The following MARCHF2 variants were observed in gnomAD, a reference collection of about 807,000 sequenced individuals.
MARCHF2 encodes the protein E3 ubiquitin-protein ligase MARCHF2.
Under a neutral mutation model 24.0 loss-of-function variants are expected in MARCHF2, and 22 were observed. The ratio of observed to expected loss-of-function variants is 0.92; its 90% CI spans 0.66 to 1.31. The LOEUF (loss-of-function observed/expected upper bound fraction) is 1.31. Among genes scored for constraint, MARCHF2 ranks in the 50% most tolerant of loss-of-function variants. The pLI is 0.00. For synonymous variants in MARCHF2, 154 were observed against 153.0 expected, an observed-to-expected ratio of 1.01 and a Z score of -0.05; for missense variants, 301 against 335.3, an observed-to-expected ratio of 0.90 and a Z score of 0.80.
At position 8,426,766 on chromosome 19, in the gene MARCHF2, G is replaced by T. The variant is rs1444012955; in HGVS notation, c.334G>T (p.Glu112Ter). The change falls in exon 3 of 5, where the codon GAG becomes TAG. Residue 112 changes from glutamate to a stop codon, truncating the protein, a stop_gained. Coordinates refer to ENST00000215555, the MANE Select transcript of MARCHF2 (RefSeq NM_001005415.2). LOFTEE classifies it high-confidence loss of function. The stretch of plus-strand genomic sequence containing the variant: ...CAGCTACTGCGAGCTGTGCCACACG[G>T]AGTTTGCAGTGGAGAAACGGCCTCG... Reference protein sequence around the residue: ...NTSYCELCHTEFAVEKRPRPL... With the variant: ...NTSYCELCHT 6.2e-7 allele frequency: 1 copy of T among 1,612,508 alleles called. No individual in the cohort carries two copies. Among genetic ancestry groups the T allele is most frequent in the East Asian group, 2.2e-5 (1 of 44,874 alleles).
At chr19:8,434,081 C>CTTTT (rs750325194) in intron 4 of MARCHF2, among the ~76,000 whole-genome samples, 16 of 105,960 alleles carry the variant, frequency 1.5e-4, no homozygotes, top group Non-Finnish European at 1.7e-4. Flanking sequence ...ACCAGCATTT[C>CTTTT]TTTTTTTTTT....
intron 3 of MARCHF2, among the ~76,000 whole-genome samples, chr19:8,427,088 TCCAGGC>T (rs1967426114): frequency 6.6e-6 from 1 of 152,018 alleles, no homozygotes; most frequent in African/African-American, 2.4e-5. Context: ...CTAACTCTTG[TCCAGGC>T]TGGAGTGCAG....
chr19:8,417,072 T>C (rs1478779449), intron 1 of MARCHF2, among the ~76,000 whole-genome samples: 2 of 151,996 alleles, frequency 1.3e-5, no homozygotes, highest in African/African-American at 4.8e-5. Flanking sequence ...TTTTTTTTTT[T>C]CTCCCTGATA....
At chr19:8,422,852 G>A (rs1322787823) in intron 2 of MARCHF2, among the ~76,000 whole-genome samples, 4 of 142,946 alleles carry the variant, frequency 2.8e-5, no homozygotes, top group East Asian at 2.1e-4. Flanking sequence ...CTACAGGCAC[G>A]CGCCACCACA....
rs756969900 is a variant in MARCHF2 at position 8,426,673 on chromosome 19, G to A, written c.241G>A (p.Gly81Ser). The change falls in exon 3 of 5, where the codon GGC becomes AGC. Residue 81 changes from glycine (G) to serine (S), a missense_variant. Physicochemically the swap from Gly to Ser is moderately conservative, Grantham distance 56. Transcript: ENST00000215555. Reference sequence around the variant, plus strand: ...CGGGGAGTGCTTGCTGTCCCCGTGTGGCTGCACCGGCACGCTGGGTGCCGT... The same window carrying A: ...CGGGGAGTGCTTGCTGTCCCCGTGTAGCTGCACCGGCACGCTGGGTGCCGT... The part of the protein sequence containing the change: ...ANGECLLSPC[G>S]CTGTLGAVHK... The A allele has an allele frequency of 6.2e-7, 1 of 1,614,078 alleles. No individual in the cohort carries two copies. The highest frequency in any genetic ancestry group is 2.2e-5 in the East Asian group (1 of 44,884).
intron 2 of MARCHF2, among the ~76,000 whole-genome samples, chr19:8,425,150 C>A (rs1331290051): frequency 6.6e-6 from 1 of 151,632 alleles, no homozygotes; most frequent in Non-Finnish European, 1.5e-5. Context: ...CTGAGGCGGG[C>A]AGATCACGAG....
At chr19:8,433,675 CAAAAAAAA>C (rs143853447) in intron 4 of MARCHF2, among the ~76,000 whole-genome samples, 1 of 90,716 alleles carries the variant, frequency 1.1e-5, no homozygotes, top group Non-Finnish European at 2.2e-5. Context: ...GACTCCGTCT[CAAAAAAAA>C]AAAAAAAAAA....
chr19:8,426,428 G>A (rs1967403603), intron 2 of MARCHF2, among the ~76,000 whole-genome samples, 181 bp from the exon 3 acceptor site: 1 of 151,854 alleles, frequency 6.6e-6, no homozygotes, highest in African/African-American at 2.4e-5. Flanking sequence ...GGCTTCGCAA[G>A]GTTACCTTCC....
chr19:8,435,751 T>G (rs6603071), intron 4 of MARCHF2, among the ~76,000 whole-genome samples: 130,237 of 151,338 alleles, frequency 0.86, 58,588 homozygotes, highest in South Asian at 0.99. Flanking sequence ...TGTTGTTGTA[T>G]CTGGTCTTAA....
Position 8,430,942 on chromosome 19 carries a change from T to C in MARCHF2, c.582+75T>C. 1 of 1,438,292 alleles carries C rather than the reference T, an allele frequency of 7.0e-7. No individual in the cohort carries two copies. Among genetic ancestry groups the C allele is most frequent in the Admixed American group, 2.1e-5 (1 of 48,162 alleles). The allele number at this position is 1,438,292 out of a possible 1,614,324, so 89.1% of individuals were successfully genotyped here. On this transcript the variant is annotated intron_variant, in intron 4 of 4. Transcript: ENST00000215555. The surrounding 1 kb of genome is among the most constrained non-coding windows in gnomAD (Gnocchi z 4.4). ...GCAGCAGGGCCAAGGATTTGGCCCC[T>C]GGCTTGTGGGGCACGGGGCTCCCTG...
chr19:8,425,956 G>A (rs1017684034), intron 2 of MARCHF2, among the ~76,000 whole-genome samples: 13 of 151,824 alleles, frequency 8.6e-5, no homozygotes, highest in Admixed American at 7.9e-4. Context: ...GGCCGGGTGC[G>A]GTGGCTCACG....
chr19:8,419,821 A>AT (rs1967181933), intron 1 of MARCHF2, among the ~76,000 whole-genome samples: 1 of 144,960 alleles, frequency 6.9e-6, no homozygotes, highest in African/African-American at 2.6e-5. Flanking sequence ...GTCTCAAAAA[A>AT]AAAATAAATA....
Position 8,439,000 on chromosome 19 carries a change from A to G in MARCHF2, c.*454A>G, listed in dbSNP as rs574121751. ...AACCCACCCCTGAATGAATAAAAGG[A>G]GCCCTGGCTGGACAAAATGGACTTG... On this transcript the variant is annotated 3_prime_UTR_variant, in exon 5 of 5. Coordinates refer to ENST00000215555, the MANE Select transcript of MARCHF2 (RefSeq NM_001005415.2). The G allele has an allele frequency of 5.7e-4, 88 of 154,634 alleles. No individual in the cohort carries two copies. The highest frequency in any genetic ancestry group is 1.1e-3 in the Non-Finnish European group (76 of 69,274). The allele number at this position is 154,634 out of a possible 1,614,324, so 9.6% of individuals were successfully genotyped here. A position where few individuals can be genotyped will look rare whatever the true frequency, so the allele number is the denominator to read the frequency against.
At chr19:8,414,918 G>C (rs1967037847) in intron 1 of MARCHF2, among the ~76,000 whole-genome samples, 1 of 152,166 alleles carries the variant, frequency 6.6e-6, no homozygotes, top group Admixed American at 6.6e-5. Flanking sequence ...ATAGCCAGGA[G>C]GGCCAGGAGT....
intron 4 of MARCHF2, 39 bp from the exon 5 acceptor site, chr19:8,438,349 C>T (rs755300579): frequency 2.3e-5 from 37 of 1,604,778 alleles, no homozygotes; most frequent in East Asian, 4.5e-5. Context: ...TCCTCCCTTG[C>T]GGGTGGAGGC....
intron 1 of MARCHF2, among the ~76,000 whole-genome samples, chr19:8,417,748 CTTTTTTTTTTTTTT>C (rs71175853): frequency 1.5e-3 from 41 of 26,868 alleles, no homozygotes; most frequent in South Asian, 5.5e-3. Flanking sequence ...AATACCCTGT[CTTTTTTTTTTTTTT>C]TTTTTTTTTT....
rs1359182722 is a variant in MARCHF2 at position 8,438,654 on chromosome 19, C to T, written c.*108C>T. 20 of 1,208,720 alleles carry T rather than the reference C, an allele frequency of 1.7e-5. No individual in the cohort carries two copies. The East Asian group carries it at 2.6e-4, about 15-fold the overall frequency. 74.9% of individuals were successfully genotyped at this position (1,208,720 alleles called of 1,614,324 possible). A position where few individuals can be genotyped will look rare whatever the true frequency, so the allele number is the denominator to read the frequency against. ...CACTTCCACTTCAACAGTTCCCGCA[C>T]GGCCTGAACGCTTCTTAGGCCAAGA... On this transcript the variant is annotated 3_prime_UTR_variant, in exon 5 of 5. Coordinates refer to ENST00000215555, the MANE Select transcript of MARCHF2 (RefSeq NM_001005415.2).
At chr19:8,414,092 C>A (rs1358259422) in intron 1 of MARCHF2, among the ~76,000 whole-genome samples, 3 of 152,182 alleles carry the variant, frequency 2.0e-5, no homozygotes, top group Non-Finnish European at 2.9e-5. Flanking sequence ...ACAACCTCCA[C>A]ATTTACCCTA....
At chr19:8,435,082 G>A (rs181704506) in intron 4 of MARCHF2, among the ~76,000 whole-genome samples, 1,553 of 145,860 alleles carry the variant, frequency 0.011, 25 homozygotes, top group African/African-American at 0.037. Context: ...GTAGTGACGC[G>A]ATCTTGGCTC....
Sources: allele counts gnomAD v4.1 joint callset (sites outside exome capture counted in the v4.1 genomes callset), GRCh38; gene constraint gnomAD v4.1.1; non-coding constraint Gnocchi (gnomAD v3.1); transcripts MANE v1.5; gene names NCBI Gene and HGNC (gene_info 2026-07-23, HGNC 2026-07-21).